The following CSPP1 variants were observed in gnomAD, a reference collection of about 807,000 sequenced individuals.
The protein encoded by CSPP1 is centrosome and spindle pole-associated protein 1.
Under a neutral mutation model 164.4 loss-of-function variants are expected in CSPP1, and 126 were observed. That is an observed-to-expected ratio of 0.77 (90% confidence interval 0.66 to 0.89). The LOEUF (loss-of-function observed/expected upper bound fraction) is 0.89. CSPP1 is among the 40% of genes least tolerant of loss of function. The pLI, the probability that CSPP1 is intolerant of heterozygous loss-of-function variation, is 0.00. For missense variants in CSPP1, 1,395 were observed against 1,449.8 expected, an observed-to-expected ratio of 0.96 and a Z score of 0.61; for synonymous variants, 472 against 476.7, an observed-to-expected ratio of 0.99 and a Z score of 0.13.
Position 67,103,135 on chromosome 8 carries a change from G to A in CSPP1, c.1022G>A (p.Ser341Asn), listed in dbSNP as rs745426890. Residue 341 changes from serine to asparagine, a missense_variant and splice_region_variant, in exon 8 of 31, where the codon AGT (serine) becomes AAT (asparagine). Transcript: ENST00000678616. The part of the protein sequence containing the change: ...NIRISSAENK[S>N]APDNETSKSA... ...AGAATTTCATCTGCTGAAAATAAAA[G>A]GTACAGTATGTAATATAAATTCTCT... is the stretch of plus-strand genomic sequence containing the variant. The A allele has an allele frequency of 3.1e-5, 48 of 1,541,934 alleles. No homozygotes were observed. Among genetic ancestry groups the A allele is most frequent in the Non-Finnish European group, 4.1e-5 (46 of 1,115,198 alleles).
intron 7 of CSPP1, 111 bp downstream of exon 7, chr8:67,095,843 C>T (rs1812642942): frequency 1.5e-6 from 1 of 659,990 alleles, no homozygotes; most frequent in African/African-American, 1.8e-5. Context: ...TTTGATTTAT[C>T]ATAATTAATT....
Position 67,172,565 on chromosome 8 carries a change from T to C in CSPP1, c.2968+10T>C, listed in dbSNP as rs374325149. 5.6e-6 allele frequency: 9 copies of C among 1,604,320 alleles called. No individual in the cohort carries two copies. In the African/African-American group the frequency reaches 1.1e-4, roughly 19 times the overall value. On this transcript the variant is annotated intron_variant, in intron 25 of 30. Coordinates refer to ENST00000678616, the MANE Select transcript of CSPP1 (RefSeq NM_001382391.1). ...GAGCTGAAAGATAGAGGTGAGTAGA[T>C]TGCTGCTCTTTTAAAGATGTAGCAG... is the stretch of plus-strand genomic sequence containing the variant.
intron 23 of CSPP1, among the ~76,000 whole-genome samples, chr8:67,164,050 G>C (rs1828860870): frequency 6.6e-6 from 1 of 152,088 alleles, no homozygotes; most frequent in Admixed American, 6.5e-5. Context: ...GTGTATTTCT[G>C]TGCATTTTTA....
At position 67,104,549 on chromosome 8, in the gene CSPP1, T is replaced by G. The variant is rs545092174; in HGVS notation, c.1023-1356T>G. ...TTGCGCATGGCCAGGAAGGAGTGTT[T>G]TTAGGGATGATCTTTTCTAAGTATG... On this transcript the variant is annotated intron_variant, in intron 8 of 30. Transcript: ENST00000678616. 2.6e-5 allele frequency among the ~76,000 whole-genome samples: 4 copies of G among 152,072 alleles called. No individual in the cohort carries two copies. The South Asian group carries it at 6.2e-4, about 24-fold the overall frequency.
intron 7 of CSPP1, 21 bp from the exon 8 acceptor site, chr8:67,103,016 A>G: frequency 6.9e-7 from 1 of 1,452,334 alleles, no homozygotes. Flanking sequence ...CACATGCTTT[A>G]TAAGCTAATG....
rs772495925 is a variant in CSPP1, at chr8:67,113,833, G to A, written c.1216G>A (p.Ala406Thr). 1.9e-6 allele frequency: 3 copies of A among 1,592,206 alleles called. No homozygotes were observed. The highest frequency in any genetic ancestry group is 2.6e-6 in the Non-Finnish European group (3 of 1,165,526). ...REKDLELRVA[A>T]SGAQDPEKSW... is the part of the protein sequence containing the mutation. ...AAAAGATTTAGAACTCAGGGTTGCAGCGTCTGGAGCACAAGACCCTGAGAA... is the reference window on the plus strand; with the variant it reads ...AAAAGATTTAGAACTCAGGGTTGCAACGTCTGGAGCACAAGACCCTGAGAA... Residue 406 changes from alanine (A) to threonine (T), a missense_variant, in exon 11 of 31, where the codon GCG becomes ACG. Transcript: ENST00000678616.
chr8:67,107,660 A>G (rs1057275650), intron 9 of CSPP1, among the ~76,000 whole-genome samples: 18 of 152,142 alleles, frequency 1.2e-4, no homozygotes, highest in African/African-American at 3.9e-4. Flanking sequence ...CCATCTTCAG[A>G]TGGCTGTGAT....
chr8:67,093,548 G>C lies in CSPP1; in HGVS notation c.390G>C (p.Arg130Ser), dbSNP rs370128733. The C allele has an allele frequency of 1.3e-6, 2 of 1,598,176 alleles. No individual in the cohort carries two copies. Among genetic ancestry groups the C allele is most frequent in the South Asian group, 1.1e-5 (1 of 88,966 alleles). The part of the protein sequence containing the change: ...PIGERLSAKE[R>S]LKLERNKEYN... ...CTTTTGATTTTTATTTTAAGGAAAG[G>C]TTGAAACTTGAACGTAACAAAGAAT... Residue 130 changes from arginine to serine, a missense_variant, in exon 6 of 31, where the codon AGG becomes AGC. Arg to Ser is a moderately radical substitution (Grantham distance 110). Coordinates refer to ENST00000678616, the MANE Select transcript of CSPP1 (RefSeq NM_001382391.1).
rs1221051174 is a variant in CSPP1 at position 67,195,662 on chromosome 8, T to C, written c.*69T>C. On this transcript the variant is annotated 3_prime_UTR_variant, in exon 31 of 31. Transcript: ENST00000678616. ...GAATGGTAAATCTGTACCTTTAATA[T>C]GTCCTACTTTTGGCCCCTACCTGAA... is the stretch of plus-strand genomic sequence containing the variant. 2 of 1,387,590 alleles carry C rather than the reference T, an allele frequency of 1.4e-6. No homozygotes were observed. Among genetic ancestry groups the C allele is most frequent in the African/African-American group, 1.4e-5 (1 of 69,758 alleles). 86.0% of individuals were successfully genotyped at this position (1,387,590 alleles called of 1,614,324 possible).
chr8:67,086,294 G>T, intron 4 of CSPP1, 184 bp downstream of exon 4: 1 of 665,128 alleles, frequency 1.5e-6, no homozygotes, highest in East Asian at 2.8e-5. Context: ...GCTGAGAACC[G>T]GTGCCATAGA....
chr8:67,133,321 T>G (rs539935789), intron 16 of CSPP1, among the ~76,000 whole-genome samples: 1 of 152,334 alleles, frequency 6.6e-6, no homozygotes, highest in East Asian at 1.9e-4. Context: ...AATGCATTTG[T>G]TTTTTGTGCT....
intron 9 of CSPP1, among the ~76,000 whole-genome samples, 184 bp downstream of exon 9, chr8:67,106,159 T>C (rs759859605): frequency 6.6e-6 from 1 of 152,176 alleles, no homozygotes; most frequent in Non-Finnish European, 1.5e-5. Flanking sequence ...AATTTTATTT[T>C]GTATTTTTAA....
At position 67,179,927 on chromosome 8, in the gene CSPP1, G is replaced by T. The variant is rs773954226; in HGVS notation, c.3220+1G>T. The T allele has an allele frequency of 1.3e-6, 2 of 1,513,170 alleles. No individual in the cohort carries two copies. Among genetic ancestry groups the T allele is most frequent in the South Asian group, 1.1e-5 (1 of 88,638 alleles). The allele number at this position is 1,513,170 out of a possible 1,614,324, so 93.7% of individuals were successfully genotyped here. ...TTGGAATCTGATAGTGCTTTTATTG[G>T]TGAGTATATTTATTTTATTAAGGCT... On this transcript the variant is annotated splice_donor_variant, in intron 28 of 30. Coordinates refer to ENST00000678616, the MANE Select transcript of CSPP1 (RefSeq NM_001382391.1). LOFTEE classifies it high-confidence loss of function.
intron 19 of CSPP1, among the ~76,000 whole-genome samples, chr8:67,154,375 T>A (rs930059634): frequency 6.6e-6 from 1 of 152,252 alleles, no homozygotes; most frequent in South Asian, 2.1e-4. Context: ...TAATTTTTTT[T>A]ATTTTTTTGA....
Position 67,091,806 on chromosome 8 carries a change from A to C in CSPP1, c.307A>C (p.Asn103His). The change falls in exon 5 of 31, where the codon AAT becomes CAT. Residue 103 changes from asparagine (N) to histidine (H), a missense_variant. Transcript: ENST00000678616. ...QDYRRYLTQK[N>H]FLSTSETDPS... is the part of the protein sequence containing the mutation. ...TTTTTAATGTGTATATATACAGAAA[A>C]ATTTTCTATCTACGAGTGAAACAGA... 1 of 1,293,584 alleles carries C rather than the reference A, an allele frequency of 7.7e-7. No homozygotes were observed. The highest frequency in any genetic ancestry group is 1.0e-6 in the Non-Finnish European group (1 of 974,332). The allele number at this position is 1,293,584 out of a possible 1,614,324, so 80.1% of individuals were successfully genotyped here. A position where few individuals can be genotyped will look rare whatever the true frequency, so the allele number is the denominator to read the frequency against.
At chr8:67,104,674 G>T (rs1279795314) in intron 8 of CSPP1, among the ~76,000 whole-genome samples, 2 of 150,402 alleles carry the variant, frequency 1.3e-5, no homozygotes, top group Non-Finnish European at 1.5e-5. Context: ...GTCTCACTCT[G>T]TCACCCAGAC....
intron 29 of CSPP1, 65 bp from the exon 30 acceptor site, chr8:67,193,399 G>C: frequency 5.5e-6 from 8 of 1,458,962 alleles, no homozygotes; most frequent in Non-Finnish European, 7.6e-6. Context: ...GCCTGGCCCT[G>C]ATTCACTGAT....
intron 4 of CSPP1, among the ~76,000 whole-genome samples, chr8:67,090,241 A>G (rs555375709): frequency 1.3e-5 from 2 of 152,150 alleles, no homozygotes; most frequent in Non-Finnish European, 2.9e-5. Flanking sequence ...CTTTCAAATT[A>G]GCTTTTGTAG....
At chr8:67,078,712 T>C (rs1585872877) in intron 3 of CSPP1, among the ~76,000 whole-genome samples, 1 of 151,990 alleles carries the variant, frequency 6.6e-6, no homozygotes, top group South Asian at 2.1e-4. Flanking sequence ...GGCTCACACC[T>C]GTAATCCCAA....
Sources: allele counts gnomAD v4.1 joint callset (sites outside exome capture counted in the v4.1 genomes callset), GRCh38; gene constraint gnomAD v4.1.1; transcripts MANE v1.5; gene names NCBI Gene and HGNC (gene_info 2026-07-23, HGNC 2026-07-21).